GPRIN3: variants seen among roughly 807,000 people sequenced by gnomAD.
The protein encoded by GPRIN3 is GPRIN family member 3, also known as G protein-regulated inducer of neurite outgrowth 3.
GPRIN3 carries 12 observed loss-of-function variants against 13.7 expected under a neutral mutation model. The observed-to-expected ratio is 0.87, with a 90% confidence interval of 0.56 to 1.42. The LOEUF (loss-of-function observed/expected upper bound fraction) is 1.42. Ranked by LOEUF, GPRIN3 falls within the 40% of genes most tolerant of loss-of-function variation. GPRIN3 has a pLI of 0.00. For synonymous variants in GPRIN3, 377 were observed against 372.7 expected (o/e 1.01, Z -0.13); for missense variants, 1,009 against 958.7 (o/e 1.05, Z -0.69).
intron 1 of GPRIN3, among the ~76,000 whole-genome samples, chr4:89,264,538 G>A (rs1265218075): frequency 3.3e-5 from 5 of 152,134 alleles, no homozygotes; most frequent in Non-Finnish European, 7.3e-5. Context: ...TGCATACTTG[G>A]GGAAGAGAGT....
In GPRIN3 at chr4:89,252,470, C is replaced by T. The variant is rs138890527; in HGVS notation, c.-123-2237G>A. On this transcript the variant is annotated intron_variant, in intron 1 of 1. Coordinates refer to ENST00000609438, the MANE Select transcript of GPRIN3 (RefSeq NM_198281.3). ...AAATGATTTCTGAGGATCTTTCCAG[C>T]TCCAAAATTCAAGGATTCCACTTCT... 5.3e-4 allele frequency among the ~76,000 whole-genome samples: 81 copies of T among 152,324 alleles called. 1 individual carries two copies. The East Asian group carries it at 0.013, about 25-fold the overall frequency.
In GPRIN3 at chr4:89,249,602, G is replaced by T; in HGVS notation, c.509C>A (p.Pro170Gln). 1 of 1,614,096 alleles carries T rather than the reference G, an allele frequency of 6.2e-7. No individual in the cohort carries two copies. The highest frequency in any genetic ancestry group is 8.5e-7 in the Non-Finnish European group (1 of 1,180,014). ...RTSNREQPEK[P>Q]SCPVGGVLSS... Reference sequence around the variant, plus strand: ...GAGGACGCCTCCCACAGGACAACTTGGTTTCTCAGGTTGCTCTCTATTTGA... The same window carrying T: ...GAGGACGCCTCCCACAGGACAACTTTGTTTCTCAGGTTGCTCTCTATTTGA... Residue 170 changes from proline (P) to glutamine (Q), a missense_variant, in exon 2 of 2, where the codon CCA (proline) becomes CAA (glutamine). Physicochemically the swap from Pro to Gln is moderately conservative, Grantham distance 76. Coordinates refer to ENST00000609438, the MANE Select transcript of GPRIN3 (RefSeq NM_198281.3).
At chr4:89,291,070 T>C (rs1485699376) in intron 1 of GPRIN3, among the ~76,000 whole-genome samples, 1 of 152,156 alleles carries the variant, frequency 6.6e-6, no homozygotes, top group Non-Finnish European at 1.5e-5. Flanking sequence ...AGAGCACATT[T>C]TTCTGTGTCA....
intron 1 of GPRIN3, among the ~76,000 whole-genome samples, chr4:89,299,824 T>G (rs1022763974): frequency 3.9e-5 from 6 of 152,188 alleles, no homozygotes; most frequent in African/African-American, 1.4e-4. Flanking sequence ...CAGGAAGCTA[T>G]GCAAGTTTGG....
intron 1 of GPRIN3, among the ~76,000 whole-genome samples, chr4:89,284,959 T>C (rs571694929): frequency 7.2e-5 from 11 of 152,316 alleles, no homozygotes; most frequent in Admixed American, 6.5e-4. Context: ...ATCACCAATG[T>C]AGACTGGCCT....
At chr4:89,264,007 C>T (rs1269270657) in intron 1 of GPRIN3, among the ~76,000 whole-genome samples, 1 of 152,188 alleles carries the variant, frequency 6.6e-6, no homozygotes, top group Non-Finnish European at 1.5e-5. Context: ...CAAACAGTAG[C>T]AATTGTTCCA....
chr4:89,284,673 C>A (rs961911553), intron 1 of GPRIN3, among the ~76,000 whole-genome samples: 1 of 152,152 alleles, frequency 6.6e-6, no homozygotes, highest in African/African-American at 2.4e-5. Context: ...CTTTTCTCAC[C>A]CTGAAATCGC....
At position 89,241,215 on chromosome 4, in the gene GPRIN3, A is replaced by G. The variant is rs1467473902; in HGVS notation, c.*6565T>C. On this transcript the variant is annotated 3_prime_UTR_variant, in exon 2 of 2. Coordinates refer to ENST00000609438, the MANE Select transcript of GPRIN3 (RefSeq NM_198281.3). ...CTACTCAAGGAGATGATAAAAAAAA[A>G]ACACAAATCAAACAGCCCTTTCTGA... 6.6e-6 allele frequency: 1 copy of G among 152,112 alleles called. No individual in the cohort carries two copies. Among genetic ancestry groups the G allele is most frequent in the Non-Finnish European group, 1.5e-5 (1 of 68,010 alleles). The allele number at this position is 152,112 out of a possible 1,614,324, so 9.4% of individuals were successfully genotyped here. A position where few individuals can be genotyped will look rare whatever the true frequency, so the allele number is the denominator to read the frequency against.
At chr4:89,291,243 T>C (rs1290964817) in intron 1 of GPRIN3, among the ~76,000 whole-genome samples, 1 of 152,138 alleles carries the variant, frequency 6.6e-6, no homozygotes, top group East Asian at 1.9e-4. Context: ...TGTACAGGTC[T>C]GAGTTTCGAT....
chr4:89,263,396 G>T (rs2149265888), intron 1 of GPRIN3, among the ~76,000 whole-genome samples: 1 of 152,322 alleles, frequency 6.6e-6, no homozygotes, highest in South Asian at 2.1e-4. Flanking sequence ...TCCAGCCTGT[G>T]CACTGGCGGG....
rs115258136 is a variant in GPRIN3 at position 89,287,399 on chromosome 4, A to T, written c.-124+20216T>A. Reference sequence around the variant, plus strand: ...TTGTATATGTTACAACCTGTGGTTAATACAATGAAACTGACCAAATTGAAC... The same window carrying T: ...TTGTATATGTTACAACCTGTGGTTATTACAATGAAACTGACCAAATTGAAC... On this transcript the variant is annotated intron_variant, in intron 1 of 1. Coordinates refer to ENST00000609438, the MANE Select transcript of GPRIN3 (RefSeq NM_198281.3). Among the ~76,000 whole-genome samples, 1,059 of 152,344 alleles carry T rather than the reference A, an allele frequency of 7.0e-3. 16 individuals are homozygous for T. The highest frequency in any genetic ancestry group is 0.024 in the African/African-American group (1,014 of 41,574).
At chr4:89,288,462 A>T in intron 1 of GPRIN3, among the ~76,000 whole-genome samples, 1 of 152,224 alleles carries the variant, frequency 6.6e-6, no homozygotes, top group East Asian at 1.9e-4. Flanking sequence ...GCATAAATGC[A>T]AACTTCTGGA....
chr4:89,302,996 C>T (rs1402344306), intron 1 of GPRIN3, among the ~76,000 whole-genome samples: 1 of 151,946 alleles, frequency 6.6e-6, no homozygotes, highest in Non-Finnish European at 1.5e-5. Context: ...GAAAATATCA[C>T]AAAATTGTTC....
chr4:89,285,583 A>G (rs1724383189), intron 1 of GPRIN3, among the ~76,000 whole-genome samples: 1 of 152,206 alleles, frequency 6.6e-6, no homozygotes, highest in African/African-American at 2.4e-5. Flanking sequence ...TGACATTTTA[A>G]TTCTGAAAAT....
intron 1 of GPRIN3, among the ~76,000 whole-genome samples, chr4:89,269,283 C>G (rs1476813466): frequency 6.6e-6 from 1 of 151,994 alleles, no homozygotes; most frequent in Non-Finnish European, 1.5e-5. Context: ...TTCAATTGAG[C>G]AATAATGAAT....
intron 1 of GPRIN3, among the ~76,000 whole-genome samples, chr4:89,300,057 C>T (rs1307851093): frequency 1.3e-5 from 2 of 152,108 alleles, no homozygotes; most frequent in African/African-American, 4.8e-5. Context: ...ACTACGTTAA[C>T]TCAATTTTTA....
Position 89,249,670 on chromosome 4 carries a change from G to C in GPRIN3, c.441C>G (p.Thr147=), listed in dbSNP as rs749901800. The part of the protein sequence containing the change: ...SIPGDQPNAI[T]SSMPEDSLMR... The stretch of plus-strand genomic sequence containing the variant: ...TCAGGGAATCTTCAGGCATGGATGA[G>C]GTGATGGCATTGGGCTGATCACCTG... The change falls in exon 2 of 2, where the codon ACC becomes ACG. Residue 147 remains threonine, a synonymous_variant. Transcript: ENST00000609438. 1.9e-6 allele frequency: 3 copies of C among 1,614,080 alleles called. No individual in the cohort carries two copies.
intron 1 of GPRIN3, among the ~76,000 whole-genome samples, chr4:89,299,375 G>A (rs1464011803): frequency 6.6e-6 from 1 of 152,114 alleles, no homozygotes; most frequent in East Asian, 1.9e-4. Flanking sequence ...CACGAAGTGG[G>A]GGTGGTATGC....
intron 1 of GPRIN3, among the ~76,000 whole-genome samples, chr4:89,270,565 T>TATATATA (rs1553951326): frequency 1.2e-5 from 1 of 82,348 alleles, no homozygotes; most frequent in African/African-American, 5.4e-5. Context: ...TGTATATAAT[T>TATATATA]TATATATATA....
Sources: gnomAD v4.1 joint callset for allele counts (sites outside exome capture counted in the v4.1 genomes callset) on GRCh38, gnomAD v4.1.1 for gene constraint, MANE v1.5 for transcripts, NCBI Gene and HGNC (gene_info 2026-07-23, HGNC 2026-07-21) for gene names.